Variants in LONP2 observed in about 807,000 individuals in gnomAD.
LONP2 encodes the protein lon protease homolog 2, peroxisomal.
A neutral mutation model predicts 85.6 loss-of-function variants in LONP2; 60 were observed. The observed-to-expected ratio is 0.70, with a 90% CI of 0.57 to 0.87. The LOEUF is 0.87. Among genes scored for constraint, LONP2 ranks in the 40% least tolerant of loss-of-function variants. The probability of loss-of-function intolerance (pLI) is 0.00; values close to 1 mark genes in which losing one functional copy is unlikely to be tolerated. For synonymous variants in LONP2, 395 were observed against 389.7 expected (o/e 1.01, Z -0.16); for missense variants, 860 against 1,063.5 (o/e 0.81, Z 2.66).
chr16:48,361,304 A>G (rs1960582426), downstream of LONP2: 1 of 352,462 alleles, frequency 2.8e-6, no homozygotes, highest in Non-Finnish European at 5.3e-6. Flanking sequence ...CAAAACTCAG[A>G]ATTATTTTAC....
rs57154096 is a variant in LONP2, at chr16:48,275,475, A to G, written c.1242-1863A>G. ...TATAGAGGAGGTTATTATACCCATG[A>G]ATAAAAACTAGGTTGTAAGTAACCA... On this transcript the variant is annotated intron_variant, in intron 7 of 14. Transcript: ENST00000285737. Among the ~76,000 whole-genome samples, 1,136 of 152,238 alleles carry G rather than the reference A, an allele frequency of 7.5e-3. 15 individuals carry two copies. The highest frequency in any genetic ancestry group is 0.026 in the African/African-American group (1,088 of 41,522).
intron 8 of LONP2, among the ~76,000 whole-genome samples, chr16:48,289,710 A>G (rs1010355984): frequency 1.8e-4 from 27 of 152,366 alleles, no homozygotes; most frequent in Admixed American, 7.8e-4. Context: ...CATTTTGGAT[A>G]TTAAATATTT....
chr16:48,350,558 G>A (rs1960111639), intron 14 of LONP2, among the ~76,000 whole-genome samples: 1 of 152,214 alleles, frequency 6.6e-6, no homozygotes, highest in Admixed American at 6.5e-5. Context: ...TACTTCAGCA[G>A]CATGAACAAA....
At position 48,356,206 on chromosome 16, in the gene LONP2, C is replaced by T. The variant is rs1382786680; in HGVS notation, c.*4404C>T. On this transcript the variant is annotated 3_prime_UTR_variant, in exon 15 of 15. Coordinates refer to ENST00000285737, the MANE Select transcript of LONP2 (RefSeq NM_031490.5). ...TGTCTACCACTGTGAGCTTCCAGTA[C>T]TAGGTGATTGGTCTGCATTCACAGT... is the stretch of plus-strand genomic sequence containing the variant. The T allele has an allele frequency of 6.6e-6, 1 of 152,300 alleles. No homozygotes were observed. The highest frequency in any genetic ancestry group is 2.4e-5 in the African/African-American group (1 of 41,452). 9.4% of individuals were successfully genotyped at this position (152,300 alleles called of 1,614,324 possible).
At chr16:48,274,018 CTG>C (rs1481747654) in intron 7 of LONP2, among the ~76,000 whole-genome samples, 2 of 152,174 alleles carry the variant, frequency 1.3e-5, no homozygotes, top group Non-Finnish European at 2.9e-5. Context: ...GGAAAAATAA[CTG>C]AAGCAGCAAG....
chr16:48,261,374 T>C, intron 4 of LONP2, 50 bp from the exon 5 acceptor site: 3 of 1,422,936 alleles, frequency 2.1e-6, no homozygotes, highest in Non-Finnish European at 2.9e-6. Context: ...GGGTACTTCG[T>C]TTCCAATTTA....
At chr16:48,268,020 T>C (rs1007455595) in intron 6 of LONP2, among the ~76,000 whole-genome samples, 2 of 152,184 alleles carry the variant, frequency 1.3e-5, no homozygotes, top group African/African-American at 4.8e-5. Flanking sequence ...GTAGGAAATA[T>C]GTTTGCAGAT....
In LONP2 at chr16:48,362,956, T is replaced by A. The variant is rs542258656; in HGVS notation, c.*1093T>A. On this transcript the variant is annotated 3_prime_UTR_variant, in exon 5 of 5. Transcript: ENST00000565867. This position sits in a 1 kb window ranked among gnomAD's most constrained non-coding sequence, Gnocchi z 4.2. ...ATGGATTGAAAATATTCAGAAAAAT[T>A]TATAAAGAATACAAAATTTTTAAAA... The A allele has an allele frequency of 2.4e-5, 4 of 165,788 alleles. No homozygotes were observed. The highest frequency in any genetic ancestry group is 3.8e-4 in the East Asian group (2 of 5,196). 10.3% of individuals were successfully genotyped at this position (165,788 alleles called of 1,614,324 possible).
In LONP2 at chr16:48,259,553, A is replaced by C. The variant is rs113349358; in HGVS notation, c.723+813A>C. 7.1e-3 allele frequency among the ~76,000 whole-genome samples: 1,083 copies of C among 152,358 alleles called. 17 individuals carry two copies. Among genetic ancestry groups the C allele is most frequent in the African/African-American group, 0.025 (1,032 of 41,566 alleles). On this transcript the variant is annotated intron_variant, in intron 4 of 14. Coordinates refer to ENST00000285737, the MANE Select transcript of LONP2 (RefSeq NM_031490.5). Reference sequence around the variant, plus strand: ...GTGTTGAGATGCAGCGCTCTGACTTAAGTTGAGGCGTTGAGAATTATGTTA... The same window carrying C: ...GTGTTGAGATGCAGCGCTCTGACTTCAGTTGAGGCGTTGAGAATTATGTTA...
chr16:48,263,836 T>C (rs551049902), intron 6 of LONP2, among the ~76,000 whole-genome samples: 3 of 152,224 alleles, frequency 2.0e-5, no homozygotes, highest in Non-Finnish European at 4.4e-5. Flanking sequence ...TGTAGGTTCT[T>C]TTCTATTTTC....
chr16:48,278,255 A>G (rs1972256078), intron 8 of LONP2, among the ~76,000 whole-genome samples: 1 of 152,004 alleles, frequency 6.6e-6, no homozygotes. Flanking sequence ...AGACCTTCAG[A>G]CACTTTAGGT....
intron 2 of LONP2, among the ~76,000 whole-genome samples, chr16:48,252,661 G>A (rs1275908979): frequency 1.3e-5 from 2 of 152,030 alleles, no homozygotes; most frequent in Non-Finnish European, 2.9e-5. Context: ...GCTAAAAAAC[G>A]AAATACTGCA....
Position 48,355,201 on chromosome 16 carries a change from G to A in LONP2, c.*3399G>A, listed in dbSNP as rs1282164322. 2 of 152,046 alleles carry A rather than the reference G, an allele frequency of 1.3e-5. No homozygotes were observed. The highest frequency in any genetic ancestry group is 2.9e-5 in the Non-Finnish European group (2 of 68,008). The allele number at this position is 152,046 out of a possible 1,614,324, so 9.4% of individuals were successfully genotyped here. A position where few individuals can be genotyped will look rare whatever the true frequency, so the allele number is the denominator to read the frequency against. On this transcript the variant is annotated 3_prime_UTR_variant, in exon 15 of 15. Coordinates refer to ENST00000285737, the MANE Select transcript of LONP2 (RefSeq NM_031490.5). Reference sequence around the variant, plus strand: ...AGATCACATATGCTAAGGTCTGAATGTCCCCCCACCAAATTCGTATGTTGA... The same window carrying A: ...AGATCACATATGCTAAGGTCTGAATATCCCCCCACCAAATTCGTATGTTGA...
chr16:48,326,875 T>C lies in LONP2; in HGVS notation c.1796-7341T>C, dbSNP rs542424115. ...TGGGCCTGTTTTCATTGAAATCATC[T>C]TCCTGTGGCAGAGGGAAAATGAATA... On this transcript the variant is annotated intron_variant, in intron 11 of 14. Coordinates refer to ENST00000285737, the MANE Select transcript of LONP2 (RefSeq NM_031490.5). Among the ~76,000 whole-genome samples, 7 of 152,364 alleles carry C rather than the reference T, an allele frequency of 4.6e-5. No homozygotes were observed. In the East Asian group the frequency reaches 1.3e-3, roughly 29 times the overall value.
rs1404782869 is a variant in LONP2 at position 48,258,566 on chromosome 16, T to C, written c.601-52T>C. Reference sequence around the variant, plus strand: ...AACCATGGCTCTGACTGTCTGTTTTTGGATTGTGTGTTTCTGAGAGAGATC... The same window carrying C: ...AACCATGGCTCTGACTGTCTGTTTTCGGATTGTGTGTTTCTGAGAGAGATC... On this transcript the variant is annotated intron_variant, in intron 3 of 14. Transcript: ENST00000285737. The C allele has an allele frequency of 7.8e-6, 12 of 1,535,226 alleles. No homozygotes were observed. The Admixed American group carries it at 2.7e-4, about 35-fold the overall frequency.
intron 11 of LONP2, among the ~76,000 whole-genome samples, chr16:48,313,983 T>G (rs1356267436): frequency 6.6e-6 from 1 of 152,242 alleles, no homozygotes; most frequent in Non-Finnish European, 1.5e-5. Flanking sequence ...TTCTTGACTT[T>G]TTAATAATTG....
chr16:48,325,346 C>T (rs965236586), intron 11 of LONP2, among the ~76,000 whole-genome samples: 1 of 152,142 alleles, frequency 6.6e-6, no homozygotes, highest in African/African-American at 2.4e-5. Context: ...TGCAGTAGAA[C>T]ACCAGAACTT....
intron 8 of LONP2, among the ~76,000 whole-genome samples, chr16:48,289,207 G>T (rs1322673333): frequency 1.3e-5 from 2 of 152,126 alleles, no homozygotes; most frequent in African/African-American, 4.8e-5. Context: ...AGTATATTTG[G>T]CCAAGGTTGA....
chr16:48,330,460 T>C (rs1447371265), intron 11 of LONP2, among the ~76,000 whole-genome samples: 1 of 152,222 alleles, frequency 6.6e-6, no homozygotes, highest in Non-Finnish European at 1.5e-5. Context: ...CTGGTGCTGG[T>C]CCTTTCTGAC....
Sources: allele counts gnomAD v4.1 joint callset (sites outside exome capture counted in the v4.1 genomes callset), GRCh38; gene constraint gnomAD v4.1.1; non-coding constraint Gnocchi (gnomAD v3.1); transcripts MANE v1.5; gene names NCBI Gene and HGNC (gene_info 2026-07-23, HGNC 2026-07-21).